The following SMARCAD1 variants were observed in gnomAD, a reference collection of about 807,000 sequenced individuals.
SMARCAD1 encodes SNF2 related chromatin remodeling ATPase with DExD box 1, also known as SWI/SNF-related matrix-associated actin-dependent regulator of chromatin subfamily A containing DEAD/H box 1.
In SMARCAD1, 25 loss-of-function variants were observed where a neutral mutation model predicts 127.1. The ratio of observed to expected loss-of-function variants is 0.20; its 90% confidence interval spans 0.14 to 0.27. The LOEUF (loss-of-function observed/expected upper bound fraction) is 0.27. Ranked by LOEUF, SMARCAD1 falls within the 10% of genes least tolerant of loss-of-function variation. The pLI is 1.00. For synonymous variants in SMARCAD1, 400 were observed against 396.9 expected, an observed-to-expected ratio of 1.01 and a Z score of -0.09; for missense variants, 807 against 1,206.0, an observed-to-expected ratio of 0.67 and a Z score of 4.90.
chr4:94,255,200 C>A (rs1370708359), intron 9 of SMARCAD1, among the ~76,000 whole-genome samples: 1 of 152,010 alleles, frequency 6.6e-6, no homozygotes, highest in Non-Finnish European at 1.5e-5. Flanking sequence ...ATATTAAGAA[C>A]AACCTGCTAA....
At chr4:94,288,506 G>C (rs947175556) in intron 23 of SMARCAD1, among the ~76,000 whole-genome samples, 1 of 152,208 alleles carries the variant, frequency 6.6e-6, no homozygotes, top group Non-Finnish European at 1.5e-5. Context: ...GGATGTCAGT[G>C]AACTGACATC....
intron 21 of SMARCAD1, 73 bp from the exon 22 acceptor site, chr4:94,283,048 A>G (rs1430448442): frequency 7.8e-7 from 1 of 1,282,120 alleles, no homozygotes; most frequent in Non-Finnish European, 1.1e-6. Context: ...TTCATGTGAT[A>G]ATGATTGTTT....
chr4:94,211,533 AG>A (rs1256833127), intron 2 of SMARCAD1, among the ~76,000 whole-genome samples: 2 of 152,214 alleles, frequency 1.3e-5, no homozygotes, highest in South Asian at 2.1e-4. Context: ...ATGCTGCGTT[AG>A]TTTATTTACA....
At chr4:94,223,588 G>A (rs980268496) in intron 2 of SMARCAD1, among the ~76,000 whole-genome samples, 1 of 150,034 alleles carries the variant, frequency 6.7e-6, no homozygotes, top group African/African-American at 2.5e-5. Flanking sequence ...TTTTTTTGGA[G>A]ACAGAGTTAA....
intron 9 of SMARCAD1, among the ~76,000 whole-genome samples, chr4:94,259,049 T>C (rs569962830): frequency 6.6e-6 from 1 of 152,318 alleles, no homozygotes; most frequent in East Asian, 1.9e-4. Flanking sequence ...ATGGGCACAT[T>C]ACCCACAATA....
At chr4:94,284,030 A>T (rs1754484771) in intron 22 of SMARCAD1, among the ~76,000 whole-genome samples, 1 of 151,830 alleles carries the variant, frequency 6.6e-6, no homozygotes, top group Non-Finnish European at 1.5e-5. Context: ...CACTGTAAAG[A>T]GGTGAAGATA....
At chr4:94,256,632 G>A (rs1434984487) in intron 9 of SMARCAD1, among the ~76,000 whole-genome samples, 8 of 152,142 alleles carry the variant, frequency 5.3e-5, no homozygotes, top group African/African-American at 1.4e-4. Context: ...CCAAGTGCCG[G>A]GGTTACAGGC....
intron 14 of SMARCAD1, among the ~76,000 whole-genome samples, chr4:94,275,582 G>C (rs1334251529): frequency 6.6e-6 from 1 of 152,064 alleles, no homozygotes; most frequent in Non-Finnish European, 1.5e-5. Flanking sequence ...TCCATATGCA[G>C]TCTCAAGCTG....
chr4:94,254,160 A>G (rs1320114133), intron 9 of SMARCAD1, among the ~76,000 whole-genome samples: 2 of 152,156 alleles, frequency 1.3e-5, no homozygotes, highest in African/African-American at 4.8e-5. Context: ...AATAATAATA[A>G]AACCATTTGT....
Position 94,280,655 on chromosome 4 carries a change from T to C in SMARCAD1, c.2482T>C (p.Phe828Leu). The C allele has an allele frequency of 6.2e-7, 1 of 1,613,846 alleles. No individual in the cohort carries two copies. Among genetic ancestry groups the C allele is most frequent in the Non-Finnish European group, 8.5e-7 (1 of 1,179,874 alleles). The stretch of plus-strand genomic sequence containing the variant: ...TGAAGATATGGAAGTTATGACAGAC[T>C]TCGAACTACATGTACTTTGTAAACA... ...IFEDMEVMTD[F>L]ELHVLCKQYR... The change falls in exon 20 of 24, where the codon TTC becomes CTC. Residue 828 changes from phenylalanine to leucine, a missense_variant. By Grantham distance (22) the Phe-to-Leu change is conservative. This residue lies in a region of SMARCAD1 where 99 missense variants were observed against 126.0 expected (regional missense o/e 0.79). Coordinates refer to ENST00000354268, the MANE Select transcript of SMARCAD1 (RefSeq NM_020159.5).
At chr4:94,263,773 G>A (rs994353788) in intron 9 of SMARCAD1, among the ~76,000 whole-genome samples, 1 of 151,892 alleles carries the variant, frequency 6.6e-6, no homozygotes, top group Admixed American at 6.6e-5. Flanking sequence ...TTTCCTAATA[G>A]ATGGTTTTAT....
Position 94,290,081 on chromosome 4 carries a change from T to C in SMARCAD1, c.*547T>C. 4.4e-6 allele frequency: 2 copies of C among 454,484 alleles called. No homozygotes were observed. The highest frequency in any genetic ancestry group is 8.8e-6 in the Non-Finnish European group (2 of 226,762). The allele number at this position is 454,484 out of a possible 1,614,324, so 28.2% of individuals were successfully genotyped here. On this transcript the variant is annotated 3_prime_UTR_variant, in exon 24 of 24. Transcript: ENST00000354268. ...TGTCAGCAAGAACTCAACCTGAATT[T>C]AAAGGTGGCATTCCATATACTAACA...
chr4:94,237,205 CT>C (rs1238936162), intron 5 of SMARCAD1, among the ~76,000 whole-genome samples, 187 bp downstream of exon 5: 2 of 152,048 alleles, frequency 1.3e-5, no homozygotes, highest in Non-Finnish European at 2.9e-5. Context: ...AATTTTACTG[CT>C]TTTCTACCAA....
intron 23 of SMARCAD1, among the ~76,000 whole-genome samples, chr4:94,287,934 T>G (rs1011173108): frequency 3.3e-5 from 5 of 152,084 alleles, no homozygotes; most frequent in African/African-American, 1.2e-4. Flanking sequence ...GAGGATCGTT[T>G]GAGCCCAGGA....
Position 94,252,813 on chromosome 4 carries a change from G to C in SMARCAD1, c.1087G>C (p.Gly363Arg), listed in dbSNP as rs764521045. ...TGTTGAAGACTCTGAATATGATTCA[G>C]GTTCTGATGTCGGTAGTTCACTAGA... ...RVVEDSEYDS[G>R]SDVGSSLDED... Residue 363 changes from glycine (G) to arginine (R), a missense_variant, in exon 9 of 24, where the codon GGT becomes CGT. Physicochemically the swap from Gly to Arg is moderately radical, Grantham distance 125 (BLOSUM62 -2). Transcript: ENST00000354268. The C allele has an allele frequency of 1.9e-6, 3 of 1,614,078 alleles. No individual in the cohort carries two copies. Among genetic ancestry groups the C allele is most frequent in the South Asian group, 1.1e-5 (1 of 91,084 alleles).
intron 9 of SMARCAD1, chr4:94,253,503 CT>C (rs1186267627): frequency 3.5e-6 from 4 of 1,127,290 alleles, no homozygotes; most frequent in African/African-American, 1.6e-5. Flanking sequence ...TGTTTATTTT[CT>C]TTTTTTCTTC....
intron 2 of SMARCAD1, among the ~76,000 whole-genome samples, chr4:94,219,403 C>T (rs1030575776): frequency 1.3e-5 from 2 of 151,894 alleles, no homozygotes; most frequent in Non-Finnish European, 1.5e-5. Context: ...TCGAATGAGC[C>T]TTAATCTCCT....
chr4:94,265,756 A>T (rs879293178), intron 10 of SMARCAD1, among the ~76,000 whole-genome samples: 1 of 152,010 alleles, frequency 6.6e-6, no homozygotes, highest in Non-Finnish European at 1.5e-5. Flanking sequence ...AAACAAATGG[A>T]GTTCCTAAAA....
chr4:94,266,975 G>A (rs1480054375), intron 10 of SMARCAD1, among the ~76,000 whole-genome samples: 4 of 152,002 alleles, frequency 2.6e-5, no homozygotes, highest in Non-Finnish European at 5.9e-5. Flanking sequence ...ATATAATACA[G>A]TGAGGAAAAA....
Sources: gnomAD v4.1 joint callset for allele counts (sites outside exome capture counted in the v4.1 genomes callset) on GRCh38, gnomAD v4.1.1 for gene constraint, gnomAD v4.1.1 regional missense constraint, MANE v1.5 for transcripts, NCBI Gene and HGNC (gene_info 2026-07-23, HGNC 2026-07-21) for gene names.